TRAPPC9: variants seen among roughly 807,000 people sequenced by gnomAD.
The protein encoded by TRAPPC9 is IKK2 binding protein.
A neutral mutation model predicts 124.0 loss-of-function variants in TRAPPC9; 83 were observed. The observed-to-expected ratio is 0.67, with a 90% CI of 0.56 to 0.80. The LOEUF (loss-of-function observed/expected upper bound fraction) is 0.80, where lower values mean the gene tolerates loss of function less well. Among genes scored for constraint, TRAPPC9 ranks in the 30% least tolerant of loss-of-function variants. TRAPPC9 has a pLI of 0.00. For synonymous variants in TRAPPC9, 638 were observed against 617.5 expected, an observed-to-expected ratio of 1.03 and a Z score of -0.49; for missense variants, 1,302 against 1,508.3, an observed-to-expected ratio of 0.86 and a Z score of 2.27.
At chr8:139,961,260 C>A (rs894751354) in intron 19 of TRAPPC9, among the ~76,000 whole-genome samples, 5,719 of 124,516 alleles carry the variant, frequency 0.046, 995 homozygotes, top group African/African-American at 0.14. Flanking sequence ...GGCCTTCTTT[C>A]TATATGATGG....
intron 9 of TRAPPC9, among the ~76,000 whole-genome samples, chr8:140,334,278 C>G (rs942381593): frequency 3.3e-5 from 5 of 152,186 alleles, no homozygotes; most frequent in East Asian, 1.9e-4. Context: ...AGCAAAATCT[C>G]GTAATTCCTT....
At chr8:140,209,384 G>A (rs1239096854) in intron 17 of TRAPPC9, among the ~76,000 whole-genome samples, 1 of 152,218 alleles carries the variant, frequency 6.6e-6, no homozygotes, top group East Asian at 1.9e-4. Flanking sequence ...GGTTCCTGGA[G>A]ACAGTGATCA....
At chr8:139,949,757 G>A (rs769696673) in intron 19 of TRAPPC9, among the ~76,000 whole-genome samples, 14 of 152,260 alleles carry the variant, frequency 9.2e-5, no homozygotes, top group African/African-American at 3.1e-4. Flanking sequence ...AAGTGGAAAG[G>A]GGGAGTGGTG....
At chr8:139,791,424 C>T (rs1384683371) in intron 21 of TRAPPC9, among the ~76,000 whole-genome samples, 3 of 151,144 alleles carry the variant, frequency 2.0e-5, no homozygotes, top group Admixed American at 1.3e-4. Context: ...CACACTCACA[C>T]AGGTGTGTCT....
intron 19 of TRAPPC9, among the ~76,000 whole-genome samples, chr8:139,963,473 C>A (rs572886727): frequency 6.6e-6 from 1 of 152,074 alleles, no homozygotes. Flanking sequence ...CCTGGGTGAG[C>A]GTGGCTTCCT....
At position 140,353,671 on chromosome 8, in the gene TRAPPC9, G is replaced by A. The variant is rs1563968403; in HGVS notation, c.1495+6379C>T. Among the ~76,000 whole-genome samples, 1 of 152,204 alleles carries A rather than the reference G, an allele frequency of 6.6e-6. No individual in the cohort carries two copies. The highest frequency in any genetic ancestry group is 2.1e-4 in the South Asian group (1 of 4,834). On this transcript the variant is annotated intron_variant, in intron 9 of 22. Transcript: ENST00000438773. The surrounding 1 kb of genome is among the most constrained non-coding windows in gnomAD (Gnocchi z 4.2). ...GGGCCAGACCTGGTCCATAGGCCAC[G>A]GTTTGCCAAACCCTGCTCAAAAGCC...
At chr8:139,752,974 CCCATCCAT>C (rs373630581) in intron 21 of TRAPPC9, among the ~76,000 whole-genome samples, 1 of 148,472 alleles carries the variant, frequency 6.7e-6, no homozygotes, top group Non-Finnish European at 1.5e-5. Flanking sequence ...CCAAAATCTA[CCCATCCAT>C]CCATCCATCC....
intron 16 of TRAPPC9, among the ~76,000 whole-genome samples, chr8:140,249,521 T>C (rs2064074790): frequency 6.6e-6 from 1 of 152,002 alleles, no homozygotes; most frequent in Admixed American, 6.5e-5. Flanking sequence ...ACTTTATTTC[T>C]CTCTAGATTC....
chr8:140,070,988 A>AG (rs1423043539), intron 17 of TRAPPC9, among the ~76,000 whole-genome samples: 8 of 152,356 alleles, frequency 5.3e-5, no homozygotes, highest in African/African-American at 1.7e-4. Flanking sequence ...GCCAGAAGCA[A>AG]CGGGAGCAGG....
chr8:140,000,214 T>C (rs1397692001), intron 18 of TRAPPC9, among the ~76,000 whole-genome samples: 6 of 152,146 alleles, frequency 3.9e-5, no homozygotes, highest in African/African-American at 9.7e-5. Flanking sequence ...TTCCTTACAC[T>C]GTATAAAAAA....
At chr8:139,888,917 T>C (rs1371807307) in intron 20 of TRAPPC9, among the ~76,000 whole-genome samples, 4 of 152,178 alleles carry the variant, frequency 2.6e-5, no homozygotes, top group South Asian at 2.1e-4. Flanking sequence ...TTTCAGAACA[T>C]GCTGACCTCC....
intron 20 of TRAPPC9, among the ~76,000 whole-genome samples, chr8:139,904,254 A>G (rs1252206693): frequency 6.6e-6 from 1 of 152,206 alleles, no homozygotes; most frequent in South Asian, 2.1e-4. Context: ...GAAAAAAACT[A>G]ATTTTCTGTA....
intron 21 of TRAPPC9, among the ~76,000 whole-genome samples, chr8:139,829,945 G>A (rs1353477186): frequency 6.6e-6 from 1 of 152,216 alleles, no homozygotes; most frequent in African/African-American, 2.4e-5. Flanking sequence ...GCACTTCCCA[G>A]GTCCTGGTAC....
chr8:140,418,663 G>C (rs2070031962), intron 5 of TRAPPC9, among the ~76,000 whole-genome samples: 1 of 152,262 alleles, frequency 6.6e-6, no homozygotes, highest in Non-Finnish European at 1.5e-5. Flanking sequence ...AGAGGTTGCA[G>C]TGAGCCGAGA....
At chr8:140,079,590 T>A (rs1843699580) in intron 17 of TRAPPC9, among the ~76,000 whole-genome samples, 1 of 152,180 alleles carries the variant, frequency 6.6e-6, no homozygotes, top group Admixed American at 6.5e-5. Flanking sequence ...CCCCACTTTA[T>A]AACTACAGTG....
chr8:140,265,308 T>C (rs2064599419), intron 15 of TRAPPC9, among the ~76,000 whole-genome samples: 1 of 152,202 alleles, frequency 6.6e-6, no homozygotes, highest in Non-Finnish European at 1.5e-5. Flanking sequence ...CTTATTTGTG[T>C]ATTAAGTTCT....
intron 17 of TRAPPC9, among the ~76,000 whole-genome samples, chr8:140,129,828 T>C (rs1445631907): frequency 1.3e-5 from 2 of 152,328 alleles, no homozygotes; most frequent in South Asian, 2.1e-4. Flanking sequence ...TAGAGATGGA[T>C]AGACGAATAG....
intron 17 of TRAPPC9, among the ~76,000 whole-genome samples, chr8:140,170,491 A>G (rs1194417983): frequency 6.6e-6 from 1 of 152,228 alleles, no homozygotes; most frequent in African/African-American, 2.4e-5. Context: ...AATCTGACAC[A>G]TGCCAAGGGT....
chr8:139,968,789 C>T (rs1195630655), intron 19 of TRAPPC9, among the ~76,000 whole-genome samples: 1 of 152,196 alleles, frequency 6.6e-6, no homozygotes, highest in African/African-American at 2.4e-5. Context: ...GACATCATCC[C>T]CGTTTCACAG....
Sources: gnomAD v4.1 joint callset for allele counts (sites outside exome capture counted in the v4.1 genomes callset) on GRCh38, gnomAD v4.1.1 for gene constraint, Gnocchi (gnomAD v3.1) non-coding constraint, MANE v1.5 for transcripts, NCBI Gene and HGNC (gene_info 2026-07-23, HGNC 2026-07-21) for gene names.